The following TAFA5 variants were observed in gnomAD, a reference collection of about 807,000 sequenced individuals.
The protein encoded by TAFA5 is chemokine-like protein TAFA-5.
TAFA5 carries 6 observed loss-of-function variants against 15.3 expected under a neutral mutation model. The observed-to-expected ratio is 0.39, with a 90% CI of 0.21 to 0.77. The LOEUF is 0.77. TAFA5 is among the 30% of genes least tolerant of loss of function. The probability of loss-of-function intolerance (pLI) is 0.41; values close to 1 mark genes in which losing one functional copy is unlikely to be tolerated. For synonymous variants in TAFA5, 103 were observed against 80.7 expected, an observed-to-expected ratio of 1.28 and a Z score of -1.48; for missense variants, 161 against 193.1, an observed-to-expected ratio of 0.83 and a Z score of 0.98.
chr22:48,525,713 C>G (rs1921758863), intron 1 of TAFA5, among the ~76,000 whole-genome samples: 1 of 152,330 alleles, frequency 6.6e-6, no homozygotes, highest in East Asian at 1.9e-4. Context: ...GGCCTGGTAC[C>G]CCGCCTAAAG....
At chr22:48,580,715 A>G (rs962201073) in intron 1 of TAFA5, among the ~76,000 whole-genome samples, 3 of 152,198 alleles carry the variant, frequency 2.0e-5, no homozygotes, top group African/African-American at 7.2e-5. Flanking sequence ...GCTTACGGCC[A>G]GCTGTGCCTG....
rs527887596 is a variant in TAFA5, at chr22:48,742,696, C to T, written c.391-7143C>T. 4.3e-4 allele frequency among the ~76,000 whole-genome samples: 65 copies of T among 151,870 alleles called. No homozygotes were observed. The highest frequency in any genetic ancestry group is 4.2e-3 in the Admixed American group (64 of 15,270). On this transcript the variant is annotated intron_variant, in intron 3 of 3. Coordinates refer to ENST00000402357, the MANE Select transcript of TAFA5 (RefSeq NM_001082967.3). The surrounding 1 kb of genome is among the most constrained non-coding windows in gnomAD (Gnocchi z 6.2). ...AGACCGGGCAGTGTGATGGACCAGG[C>T]GACGTGGTGGGCCGGGTGGTGTGGT...
chr22:48,609,651 A>G (rs1023807307), intron 1 of TAFA5, among the ~76,000 whole-genome samples: 2 of 152,126 alleles, frequency 1.3e-5, no homozygotes, highest in Non-Finnish European at 2.9e-5. Flanking sequence ...AGGATGGTGT[A>G]TGAGTTCCCC....
In TAFA5 at chr22:48,717,636, C is replaced by A. The variant is rs534284020; in HGVS notation, c.390+9792C>A. Among the ~76,000 whole-genome samples, 6 of 152,342 alleles carry A rather than the reference C, an allele frequency of 3.9e-5. No homozygotes were observed. In the East Asian group the frequency reaches 1.2e-3, roughly 29 times the overall value. On this transcript the variant is annotated intron_variant, in intron 3 of 3. Transcript: ENST00000402357. ...AGCACTGCCTCAGCCAGATCCATTG[C>A]CCACGTATTCATCAGGCCCCGTTCT...
Position 48,550,921 on chromosome 22 carries a change from A to T in TAFA5, c.112+61217A>T, listed in dbSNP as rs1482753072. ...AGACATTCCTAGTCCTGCTTGGGGCATCGTAAGATGGGCTGCTGTGGTGTC... is the reference window on the plus strand; with the variant it reads ...AGACATTCCTAGTCCTGCTTGGGGCTTCGTAAGATGGGCTGCTGTGGTGTC... On this transcript the variant is annotated intron_variant, in intron 1 of 3. Coordinates refer to ENST00000402357, the MANE Select transcript of TAFA5 (RefSeq NM_001082967.3). This position sits in a 1 kb window ranked among gnomAD's most constrained non-coding sequence, Gnocchi z 4.1. Among the ~76,000 whole-genome samples the T allele has an allele frequency of 6.6e-6, 1 of 151,718 alleles. No individual in the cohort carries two copies. Among genetic ancestry groups the T allele is most frequent in the South Asian group, 2.1e-4 (1 of 4,774 alleles).
intron 3 of TAFA5, among the ~76,000 whole-genome samples, chr22:48,708,525 G>A (rs981178147): frequency 6.6e-6 from 1 of 152,218 alleles, no homozygotes; most frequent in East Asian, 1.9e-4. Context: ...GGATGCTGAG[G>A]CGGTTTCCCC....
chr22:48,537,225 A>AGGGGGGGGGGG (rs1922199995), intron 1 of TAFA5, among the ~76,000 whole-genome samples: 3 of 150,018 alleles, frequency 2.0e-5, no homozygotes, highest in East Asian at 2.0e-4. Context: ...AGGGTGGGGC[A>AGGGGGGGGGGG]GGGGAGGCCG....
intron 1 of TAFA5, among the ~76,000 whole-genome samples, chr22:48,585,904 T>G (rs370323445): frequency 6.6e-6 from 1 of 151,600 alleles, no homozygotes. Flanking sequence ...CAGCCAAACA[T>G]CATAAACACA....
At chr22:48,510,333 C>G (rs1213242504) in intron 1 of TAFA5, among the ~76,000 whole-genome samples, 3 of 152,192 alleles carry the variant, frequency 2.0e-5, no homozygotes, top group Non-Finnish European at 4.4e-5. Context: ...ATACAAGGAA[C>G]TCAACTCAAC....
rs115662917 is a variant in TAFA5, at chr22:48,511,740, C to T, written c.112+22036C>T. Among the ~76,000 whole-genome samples, 604 of 152,346 alleles carry T rather than the reference C, an allele frequency of 4.0e-3. 7 individuals are homozygous for T. Among genetic ancestry groups the T allele is most frequent in the African/African-American group, 0.014 (580 of 41,584 alleles). ...GACGCAGGCCCATCTCTCCAGGTAT[C>T]GGAAATGAAGCATCACCTGTGGAAC... On this transcript the variant is annotated intron_variant, in intron 1 of 3. Coordinates refer to ENST00000402357, the MANE Select transcript of TAFA5 (RefSeq NM_001082967.3).
intron 1 of TAFA5, among the ~76,000 whole-genome samples, chr22:48,561,198 C>G (rs1053332384): frequency 6.6e-6 from 1 of 152,198 alleles, no homozygotes; most frequent in Non-Finnish European, 1.5e-5. Flanking sequence ...CGGATCCACT[C>G]TGCTCTGTGG....
chr22:48,559,348 T>C (rs575913974), intron 1 of TAFA5, among the ~76,000 whole-genome samples: 7 of 152,318 alleles, frequency 4.6e-5, no homozygotes, highest in South Asian at 2.1e-4. Context: ...ATCACTGCTC[T>C]GTGCTCTTTC....
At chr22:48,749,418 A>G (rs1207666383) in intron 3 of TAFA5, among the ~76,000 whole-genome samples, 1 of 152,204 alleles carries the variant, frequency 6.6e-6, no homozygotes, top group African/African-American at 2.4e-5. Context: ...TGCAGCGACC[A>G]TTCTGGGTGA....
intron 3 of TAFA5, among the ~76,000 whole-genome samples, chr22:48,721,843 C>T (rs1929578354): frequency 6.6e-6 from 1 of 152,164 alleles, no homozygotes; most frequent in Non-Finnish European, 1.5e-5. Context: ...GTGGCACGCA[C>T]CTGTGATCCT....
chr22:48,734,975 A>C (rs118176), intron 3 of TAFA5, among the ~76,000 whole-genome samples: 2 of 152,178 alleles, frequency 1.3e-5, no homozygotes, highest in African/African-American at 4.8e-5. Flanking sequence ...ATTGATCTGC[A>C]TGTGGCGTGA....
At chr22:48,712,833 C>G (rs1929293907) in intron 3 of TAFA5, among the ~76,000 whole-genome samples, 1 of 152,222 alleles carries the variant, frequency 6.6e-6, no homozygotes, top group Non-Finnish European at 1.5e-5. Context: ...CTTCCTCTGT[C>G]CTTGAGTTGG....
At chr22:48,684,534 G>T (rs1425727638) in intron 2 of TAFA5, among the ~76,000 whole-genome samples, 2 of 152,180 alleles carry the variant, frequency 1.3e-5, no homozygotes, top group African/African-American at 2.4e-5. Context: ...GAACAAGGTT[G>T]ATGCTGCCTC....
intron 3 of TAFA5, among the ~76,000 whole-genome samples, chr22:48,708,236 A>G (rs132236): frequency 0.7 from 106,926 of 152,094 alleles, 37,763 homozygotes; most frequent in Middle Eastern, 0.72. Flanking sequence ...TAACTCCCCC[A>G]GGGCACGGCG....
rs934825842 is a variant in TAFA5 at position 48,552,037 on chromosome 22, C to T, written c.112+62333C>T. ...GCGATGGCCGTTCAGCTCTGACTGT[C>T]CTCCCGGCAGGAAGCGTCCTCCAGT... On this transcript the variant is annotated intron_variant, in intron 1 of 3. Coordinates refer to ENST00000402357, the MANE Select transcript of TAFA5 (RefSeq NM_001082967.3). The surrounding 1 kb of genome is among the most constrained non-coding windows in gnomAD (Gnocchi z 4.1). Among the ~76,000 whole-genome samples, 5 of 152,212 alleles carry T rather than the reference C, an allele frequency of 3.3e-5. No individual in the cohort carries two copies. The highest frequency in any genetic ancestry group is 1.2e-4 in the African/African-American group (5 of 41,454).
Sources: gnomAD v4.1 joint callset for allele counts (sites outside exome capture counted in the v4.1 genomes callset) on GRCh38, gnomAD v4.1.1 for gene constraint, Gnocchi (gnomAD v3.1) non-coding constraint, MANE v1.5 for transcripts, NCBI Gene and HGNC (gene_info 2026-07-23, HGNC 2026-07-21) for gene names.